The following CSMD3 variants were observed in gnomAD, a reference collection of about 807,000 sequenced individuals.
CSMD3 encodes the protein CUB and sushi domain-containing protein 3.
Under a neutral mutation model 435.2 loss-of-function variants are expected in CSMD3, and 177 were observed. The ratio of observed to expected loss-of-function variants is 0.41; its 90% CI spans 0.36 to 0.46. The LOEUF is 0.46. CSMD3 is among the 20% of genes least tolerant of loss of function. The pLI, the probability that CSMD3 is intolerant of heterozygous loss-of-function variation, is 0.34. For missense variants in CSMD3, 4,265 were observed against 4,504.6 expected, an observed-to-expected ratio of 0.95 and a Z score of 1.52; for synonymous variants, 1,656 against 1,520.5, an observed-to-expected ratio of 1.09 and a Z score of -2.07.
intron 27 of CSMD3, among the ~76,000 whole-genome samples, chr8:112,546,287 A>T: frequency 6.6e-6 from 1 of 152,172 alleles, no homozygotes; most frequent in East Asian, 1.9e-4. Flanking sequence ...GTGATGTCCA[A>T]TTTTGTATTT....
intron 32 of CSMD3, among the ~76,000 whole-genome samples, chr8:112,417,780 T>C (rs1324361407): frequency 6.6e-6 from 1 of 152,174 alleles, no homozygotes; most frequent in Non-Finnish European, 1.5e-5. Context: ...ATTCTACCTT[T>C]GTTTTTGTTT....
At chr8:112,517,275 A>G in intron 27 of CSMD3, 50 bp from the exon 28 acceptor site, 2 of 1,303,782 alleles carry the variant, frequency 1.5e-6, no homozygotes, top group Non-Finnish European at 2.2e-6. Context: ...ACCAAAATCA[A>G]TTTCATATAT....
chr8:113,072,597 C>G (rs1277071990), intron 5 of CSMD3, among the ~76,000 whole-genome samples: 1 of 151,842 alleles, frequency 6.6e-6, no homozygotes, highest in African/African-American at 2.4e-5. Flanking sequence ...CGCTTGAATT[C>G]TAAATATCTT....
chr8:112,729,123 A>C (rs925805024), intron 13 of CSMD3, among the ~76,000 whole-genome samples: 1 of 152,066 alleles, frequency 6.6e-6, no homozygotes, highest in Admixed American at 6.6e-5. Context: ...GTTTTAATAT[A>C]TTGCAAAACT....
intron 35 of CSMD3, among the ~76,000 whole-genome samples, chr8:112,399,487 C>T (rs2129892943): frequency 6.6e-6 from 1 of 152,200 alleles, no homozygotes; most frequent in Admixed American, 6.5e-5. Flanking sequence ...GAACTCCTGA[C>T]CTTGTGATCT....
At chr8:112,358,849 C>T (rs910967152) in intron 38 of CSMD3, among the ~76,000 whole-genome samples, 2 of 152,086 alleles carry the variant, frequency 1.3e-5, no homozygotes, top group East Asian at 1.9e-4. Context: ...TACCCCAAAC[C>T]TCAGCATCAT....
At chr8:112,313,343 T>G (rs929347240) in intron 49 of CSMD3, among the ~76,000 whole-genome samples, 2 of 152,162 alleles carry the variant, frequency 1.3e-5, no homozygotes, top group African/African-American at 4.8e-5. Context: ...TTACTCTCTC[T>G]TTCGACATTT....
intron 58 of CSMD3, 65 bp downstream of exon 58, chr8:112,286,999 A>G (rs1446297512): frequency 7.6e-7 from 1 of 1,317,502 alleles, no homozygotes; most frequent in Non-Finnish European, 1.1e-6. Flanking sequence ...AGTAGTACTC[A>G]TCTGGATTTA....
chr8:112,421,682 T>C (rs1416327879), intron 32 of CSMD3, among the ~76,000 whole-genome samples: 1 of 147,904 alleles, frequency 6.8e-6, no homozygotes, highest in Non-Finnish European at 1.5e-5. Flanking sequence ...ATTACATATA[T>C]ATGTATACCT....
At chr8:113,197,232 C>T (rs1254355098) in intron 3 of CSMD3, among the ~76,000 whole-genome samples, 2 of 151,090 alleles carry the variant, frequency 1.3e-5, no homozygotes, top group African/African-American at 2.4e-5. Flanking sequence ...TGTGATATGT[C>T]ACAGTCAAAA....
intron 8 of CSMD3, among the ~76,000 whole-genome samples, chr8:112,954,097 T>G (rs2083922509): frequency 6.6e-6 from 1 of 151,516 alleles, no homozygotes; most frequent in Admixed American, 6.6e-5. Flanking sequence ...GATTTTGGGA[T>G]GAACTTCAGA....
chr8:112,875,894 G>C (rs1217330446), intron 10 of CSMD3, among the ~76,000 whole-genome samples: 1 of 151,892 alleles, frequency 6.6e-6, no homozygotes, highest in East Asian at 1.9e-4. Flanking sequence ...GTTTGTTATT[G>C]CCCACCTTCT....
At chr8:112,785,403 T>C (rs1477273687) in intron 13 of CSMD3, among the ~76,000 whole-genome samples, 1 of 151,938 alleles carries the variant, frequency 6.6e-6, no homozygotes, top group Admixed American at 6.6e-5. Flanking sequence ...CCAGAAATTG[T>C]AGCTGGAACA....
chr8:112,474,581 G>C (rs1183791800), intron 31 of CSMD3, among the ~76,000 whole-genome samples: 1 of 152,078 alleles, frequency 6.6e-6, no homozygotes, highest in Non-Finnish European at 1.5e-5. Context: ...CTTGAGAAAA[G>C]GAGATTAGAA....
At chr8:112,588,933 T>G (rs1830952100) in intron 22 of CSMD3, among the ~76,000 whole-genome samples, 1 of 152,144 alleles carries the variant, frequency 6.6e-6, no homozygotes, top group Non-Finnish European at 1.5e-5. Context: ...GGTATGTTTG[T>G]GGAGGCATGA....
chr8:112,984,428 A>G (rs760818755), intron 6 of CSMD3, among the ~76,000 whole-genome samples: 12 of 152,258 alleles, frequency 7.9e-5, no homozygotes, highest in Middle Eastern at 6.8e-3. Context: ...GTTAAAATTT[A>G]GCCATAAAAT....
At chr8:112,447,409 C>T (rs907974018) in intron 32 of CSMD3, among the ~76,000 whole-genome samples, 3 of 152,126 alleles carry the variant, frequency 2.0e-5, no homozygotes, top group African/African-American at 7.2e-5. Context: ...AAGATCACAT[C>T]TAAAATATTT....
chr8:113,070,836 C>A (rs756571154), intron 5 of CSMD3, among the ~76,000 whole-genome samples: 4 of 152,058 alleles, frequency 2.6e-5, no homozygotes, highest in Admixed American at 6.6e-5. Context: ...GATATACACT[C>A]AGATGTGAGA....
At chr8:112,291,778 T>C in intron 55 of CSMD3, 83 bp from the exon 56 acceptor site, 1 of 885,760 alleles carries the variant, frequency 1.1e-6, no homozygotes. Flanking sequence ...ATGTACATAC[T>C]TAGTTTCAAA....
Sources: gnomAD v4.1 joint callset for allele counts (sites outside exome capture counted in the v4.1 genomes callset) on GRCh38, gnomAD v4.1.1 for gene constraint, MANE v1.5 for transcripts, NCBI Gene and HGNC (gene_info 2026-07-23, HGNC 2026-07-21) for gene names.